The following ZNF629 variants were observed in gnomAD, a reference collection of about 807,000 sequenced individuals.
ZNF629 encodes the protein zinc finger protein 629.
A neutral mutation model predicts 59.7 loss-of-function variants in ZNF629; 9 were observed. The ratio of observed to expected loss-of-function variants is 0.15; its 90% CI spans 0.09 to 0.26. ZNF629 has a LOEUF of 0.26. ZNF629 is among the 10% of genes least tolerant of loss of function. The probability of loss-of-function intolerance (pLI) is 1.00; values close to 1 mark genes in which losing one functional copy is unlikely to be tolerated. For missense variants in ZNF629, 853 were observed against 1,165.4 expected, an observed-to-expected ratio of 0.73 and a Z score of 3.90; for synonymous variants, 509 against 498.9, an observed-to-expected ratio of 1.02 and a Z score of -0.27.
chr16:30,780,966 C>T lies in ZNF629; in HGVS notation c.*752G>A, dbSNP rs1376791314. On this transcript the variant is annotated 3_prime_UTR_variant, in exon 3 of 3. Transcript: ENST00000262525. Reference sequence around the variant, plus strand: ...AAAAAGGCTTGCCAATTTGTTTTTTCTTCCCCATTTTGGGGTTTTGATAAG... The same window carrying T: ...AAAAAGGCTTGCCAATTTGTTTTTTTTTCCCCATTTTGGGGTTTTGATAAG... 6.6e-6 allele frequency: 1 copy of T among 152,046 alleles called. No homozygotes were observed. Among genetic ancestry groups the T allele is most frequent in the African/African-American group, 2.4e-5 (1 of 41,390 alleles). 9.4% of individuals were successfully genotyped at this position (152,046 alleles called of 1,614,324 possible). A position where few individuals can be genotyped will look rare whatever the true frequency, so the allele number is the denominator to read the frequency against.
In ZNF629 at chr16:30,782,335, A is replaced by G; in HGVS notation, c.1993T>C (p.Ser665Pro). ...GLLSSKTYIC[S>P]HCGESFLDRS... is the part of the protein sequence containing the mutation. ...TCCAGGAAGCTCTCTCCGCAGTGGGAGCAGATGTAGGTCTTGGAGGACAGC... is the reference window on the plus strand; with the variant it reads ...TCCAGGAAGCTCTCTCCGCAGTGGGGGCAGATGTAGGTCTTGGAGGACAGC... The change falls in exon 3 of 3, where the codon TCC becomes CCC. Residue 665 changes from serine to proline, a missense_variant. By Grantham distance (74) the Ser-to-Pro change is moderately conservative (BLOSUM62 -1). Transcript: ENST00000262525. 1 of 1,597,608 alleles carries G rather than the reference A, an allele frequency of 6.3e-7. No individual in the cohort carries two copies. Among genetic ancestry groups the G allele is most frequent in the Non-Finnish European group, 8.5e-7 (1 of 1,171,520 alleles).
At position 30,782,855 on chromosome 16, in the gene ZNF629, G is replaced by A. The variant is rs746503892; in HGVS notation, c.1473C>T (p.Cys491=). 7 of 1,614,184 alleles carry A rather than the reference G, an allele frequency of 4.3e-6. No homozygotes were observed. In the South Asian group the frequency reaches 4.4e-5, roughly 10 times the overall value. Residue 491 remains cysteine, a synonymous_variant, in exon 3 of 3, where the codon TGC becomes TGT. Transcript: ENST00000262525. ...TGGAGCTCTGGCTGAAGCTCTTGCC[G>A]CACTCGGGGCACTTGTAGGGCTTCT... The part of the protein sequence containing the change: ...TGEKPYKCPE[C]GKSFSQSSNL...
In ZNF629 at chr16:30,783,170, G is replaced by A. The variant is rs754615738; in HGVS notation, c.1158C>T (p.Ser386=). 5 of 1,613,496 alleles carry A rather than the reference G, an allele frequency of 3.1e-6. No individual in the cohort carries two copies. The highest frequency in any genetic ancestry group is 4.2e-6 in the Non-Finnish European group (5 of 1,179,792). The change falls in exon 3 of 3, where the codon AGC becomes AGT. Residue 386 remains serine (S), a synonymous_variant. Transcript: ENST00000262525. The stretch of plus-strand genomic sequence containing the variant: ...TGCGCTGGTGCCGCAGCAACGTGGC[G>A]CTCAGGGTGAAGGTCTTGCCGCACA... The part of the protein sequence containing the change: ...CPVCGKTFTL[S]ATLLRHQRTH...
rs145304690 is a variant in ZNF629 at position 30,780,319 on chromosome 16, GGGA to G, written c.*1396_*1398del. 1 of 152,628 alleles carries G rather than the reference GGGA, an allele frequency of 6.6e-6. No homozygotes were observed. The highest frequency in any genetic ancestry group is 1.9e-4 in the East Asian group (1 of 5,182). The allele number at this position is 152,628 out of a possible 1,614,324, so 9.5% of individuals were successfully genotyped here. On this transcript the variant is annotated 3_prime_UTR_variant, in exon 3 of 3. Transcript: ENST00000262525. ...CTGTGGGGTGTCTGGATCCCCACCAGGGAGGAGGGCTGCCTTATCCTGCGGGGC... is the reference window on the plus strand; with the variant it reads ...CTGTGGGGTGTCTGGATCCCCACCAGGGAGGGCTGCCTTATCCTGCGGGGC...
rs1379741396 is a variant in ZNF629 at position 30,783,856 on chromosome 16, T to C, written c.472A>G (p.Ser158Gly). The change falls in exon 3 of 3, where the codon AGC (serine) becomes GGC (glycine). Residue 158 changes from serine (S) to glycine (G), a missense_variant. Ser to Gly is a moderately conservative substitution (Grantham distance 56). Around this residue, in one of 3 missense-constraint regions of ZNF629, gnomAD observed 201 missense variants for 536.5 expected, o/e 0.37. Transcript: ENST00000262525. ...KPYICNECGKSFSQWSKLLRH... is the reference protein window; with the variant it reads ...KPYICNECGKGFSQWSKLLRH... ...AGCAGCTTGGACCACTGGCTGAAGC[T>C]CTTGCCGCACTCGTTGCAGATGTAG... The C allele has an allele frequency of 6.2e-7, 1 of 1,610,848 alleles. No individual in the cohort carries two copies. The highest frequency in any genetic ancestry group is 2.2e-5 in the East Asian group (1 of 44,840).
chr16:30,784,227 C>T lies in ZNF629; in HGVS notation c.101G>A (p.Ser34Asn). The T allele has an allele frequency of 6.2e-7, 1 of 1,604,656 alleles. No individual in the cohort carries two copies. Among genetic ancestry groups the T allele is most frequent in the East Asian group, 2.2e-5 (1 of 44,782 alleles). Residue 34 changes from serine to asparagine, a missense_variant, in exon 3 of 3, where the codon AGC becomes AAC. Around this residue, in one of 3 missense-constraint regions of ZNF629, gnomAD observed 232 missense variants for 193.4 expected, o/e 1.20. Transcript: ENST00000262525. ...RGAESENEEESPRQESSGEEI... is the reference protein window; with the variant it reads ...RGAESENEEENPRQESSGEEI... ...CTCCCCAGAACTTTCCTGCCGAGGGCTCTCCTCTTCGTTTTCACTCTCGGC... is the reference window on the plus strand; with the variant it reads ...CTCCCCAGAACTTTCCTGCCGAGGGTTCTCCTCTTCGTTTTCACTCTCGGC...
Position 30,784,439 on chromosome 16 carries a change from G to T in ZNF629, c.44C>A (p.Pro15Gln). The change falls in exon 2 of 3, where the codon CCG becomes CAG. Residue 15 changes from proline to glutamine, a missense_variant. Pro to Gln is a moderately conservative substitution (Grantham distance 76). Transcript: ENST00000262525. ...TALWGPDLQG[P>Q]EQSPNDAHRG... ...GTGAGCATCGTTGGGGCTCTGTTCC[G>T]GACCCTGCAGATCCGGGCCCCACAG... 6.4e-7 allele frequency: 1 copy of T among 1,566,676 alleles called. No individual in the cohort carries two copies.
Position 30,782,978 on chromosome 16 carries a change from G to C in ZNF629, c.1350C>G (p.Arg450=), listed in dbSNP as rs372222911. ...TGTAGGGCTTCTCACCGGTGTGGAT[G>C]CGCTGGTGGCGGATAAGGGTGGAGC... ...IMSSTLIRHQ[R]IHTGEKPYKC... Residue 450 remains arginine, a synonymous_variant, in exon 3 of 3, where the codon CGC becomes CGG. Coordinates refer to ENST00000262525, the MANE Select transcript of ZNF629 (RefSeq NM_001080417.3). 1,360 of 1,613,946 alleles carry C rather than the reference G, an allele frequency of 8.4e-4. 34 individuals carry two copies. In the South Asian group the frequency reaches 0.013, roughly 16 times the overall value.
At chr16:30,785,965 C>T (rs771019455) in intron 1 of ZNF629, among the ~76,000 whole-genome samples, 3 of 151,982 alleles carry the variant, frequency 2.0e-5, no homozygotes, top group Non-Finnish European at 2.9e-5. Flanking sequence ...AGGAACAAAG[C>T]GCTTGAAGGA....
Position 30,784,002 on chromosome 16 carries a change from G to A in ZNF629, c.326C>T (p.Ala109Val), listed in dbSNP as rs1212277052. The change falls in exon 3 of 3, where the codon GCC becomes GTC. Residue 109 changes from alanine to valine, a missense_variant. Ala to Val is a moderately conservative substitution (Grantham distance 64, BLOSUM62 0). This residue lies in a region of ZNF629 where 232 missense variants were observed against 193.4 expected (regional missense o/e 1.20). Transcript: ENST00000262525. Reference protein sequence around the residue: ...VVPTPSDWTKACEASWQWGAL... With the variant: ...VVPTPSDWTKVCEASWQWGAL... ...GCCCCACTGCCAGCTGGCCTCGCAG[G>A]CCTTGGTCCAGTCAGATGGGGTAGG... 8 of 1,574,038 alleles carry A rather than the reference G, an allele frequency of 5.1e-6. No homozygotes were observed. Among genetic ancestry groups the A allele is most frequent in the Non-Finnish European group, 6.9e-6 (8 of 1,160,894 alleles).
At position 30,782,284 on chromosome 16, in the gene ZNF629, G is replaced by A. The variant is rs1356935391; in HGVS notation, c.2044C>T (p.Leu682Phe). The A allele has an allele frequency of 1.9e-6, 3 of 1,612,628 alleles. No individual in the cohort carries two copies. Among genetic ancestry groups the A allele is most frequent in the African/African-American group, 1.3e-5 (1 of 75,040 alleles). Reference sequence around the variant, plus strand: ...AAGGGCTTTTCGTTGCCGTGGGTGAGCTGATGCTGGAGGAGCACAGAGCGA... The same window carrying A: ...AAGGGCTTTTCGTTGCCGTGGGTGAACTGATGCTGGAGGAGCACAGAGCGA... ...LDRSVLLQHQLTHGNEKPFLF... is the reference protein window; with the variant it reads ...LDRSVLLQHQFTHGNEKPFLF... Residue 682 changes from leucine (L) to phenylalanine (F), a missense_variant, in exon 3 of 3, where the codon CTC (leucine) becomes TTC (phenylalanine). By Grantham distance (22) the Leu-to-Phe change is conservative. Around this residue, in one of 3 missense-constraint regions of ZNF629, gnomAD observed 420 missense variants for 435.6 expected, o/e 0.96. Coordinates refer to ENST00000262525, the MANE Select transcript of ZNF629 (RefSeq NM_001080417.3).
chr16:30,784,592 C>T, intron 1 of ZNF629, 77 bp from the exon 2 acceptor site: 1 of 1,118,234 alleles, frequency 8.9e-7, no homozygotes, highest in Non-Finnish European at 1.2e-6. Flanking sequence ...AACCTCACTC[C>T]CACCCTGCCC....
In ZNF629 at chr16:30,781,635, C is replaced by T; in HGVS notation, c.*83G>A. The T allele has an allele frequency of 7.3e-7, 1 of 1,367,660 alleles. No homozygotes were observed. Among genetic ancestry groups the T allele is most frequent in the Non-Finnish European group, 9.7e-7 (1 of 1,032,286 alleles). 84.7% of individuals were successfully genotyped at this position (1,367,660 alleles called of 1,614,324 possible). ...CACTACCATCTGATAGGGTTATCCT[C>T]CCTTCCCCATGTAATTTTTTTGGGG... On this transcript the variant is annotated 3_prime_UTR_variant, in exon 3 of 3. Coordinates refer to ENST00000262525, the MANE Select transcript of ZNF629 (RefSeq NM_001080417.3).
chr16:30,785,253 A>G (rs2054321970), intron 1 of ZNF629, among the ~76,000 whole-genome samples: 1 of 152,224 alleles, frequency 6.6e-6, no homozygotes, highest in Non-Finnish European at 1.5e-5. Flanking sequence ...GTCCTCCCAC[A>G]GCCTGGTGAG....
Position 30,779,807 on chromosome 16 carries a change from G to A in ZNF629, c.*1911C>T, listed in dbSNP as rs1012733187. The A allele has an allele frequency of 6.6e-6, 1 of 152,186 alleles. No homozygotes were observed. The highest frequency in any genetic ancestry group is 2.4e-5 in the African/African-American group (1 of 41,430). 9.4% of individuals were successfully genotyped at this position (152,186 alleles called of 1,614,324 possible). On this transcript the variant is annotated 3_prime_UTR_variant, in exon 3 of 3. Transcript: ENST00000262525. ...CCTCTCTTGAGACGTGACTCCTGAC[G>A]GGCCCCACAGCTGGCATCTCAGTCC...
Position 30,784,423 on chromosome 16 carries a change from G to T in ZNF629, c.60C>A (p.Asn20Lys), listed in dbSNP as rs2054314102. The T allele has an allele frequency of 6.4e-7, 1 of 1,568,152 alleles. No homozygotes were observed. Among genetic ancestry groups the T allele is most frequent in the South Asian group, 1.2e-5 (1 of 85,584 alleles). ...PDLQGPEQSPNDAHRGAESEN... is the reference protein window; with the variant it reads ...PDLQGPEQSPKDAHRGAESEN... Reference sequence around the variant, plus strand: ...TGTGCCCCTCACCTCTGTGAGCATCGTTGGGGCTCTGTTCCGGACCCTGCA... The same window carrying T: ...TGTGCCCCTCACCTCTGTGAGCATCTTTGGGGCTCTGTTCCGGACCCTGCA... Residue 20 changes from asparagine (N) to lysine (K), a missense_variant, in exon 2 of 3, where the codon AAC becomes AAA. Around this residue, in one of 3 missense-constraint regions of ZNF629, gnomAD observed 232 missense variants for 193.4 expected, o/e 1.20. Transcript: ENST00000262525.
chr16:30,782,840 G>A lies in ZNF629; in HGVS notation c.1488C>T (p.Ser496=), dbSNP rs1435959459. 1.2e-6 allele frequency: 2 copies of A among 1,614,198 alleles called. No individual in the cohort carries two copies. Among genetic ancestry groups the A allele is most frequent in the Admixed American group, 3.3e-5 (2 of 60,020 alleles). The part of the protein sequence containing the change: ...YKCPECGKSF[S]QSSNLITHVR... ...CGTGGGTAATAAGGTTGGAGCTCTGGCTGAAGCTCTTGCCGCACTCGGGGC... is the reference window on the plus strand; with the variant it reads ...CGTGGGTAATAAGGTTGGAGCTCTGACTGAAGCTCTTGCCGCACTCGGGGC... Residue 496 remains serine, a synonymous_variant, in exon 3 of 3, where the codon AGC becomes AGT. Transcript: ENST00000262525.
rs1483804877 is a variant in ZNF629, at chr16:30,786,192, C to A, written c.-34+836G>T. Among the ~76,000 whole-genome samples the A allele has an allele frequency of 1.3e-5, 2 of 152,154 alleles. No individual in the cohort carries two copies. On this transcript the variant is annotated intron_variant, in intron 1 of 2. Coordinates refer to ENST00000262525, the MANE Select transcript of ZNF629 (RefSeq NM_001080417.3). This position sits in a 1 kb window ranked among gnomAD's most constrained non-coding sequence, Gnocchi z 4.8. The stretch of plus-strand genomic sequence containing the variant: ...TAGCGTTTAGGAAGTAAATTAATTT[C>A]TTCATCTCTGCAGCTACTTAAGCTC...
Position 30,786,961 on chromosome 16 carries a change from T to G in ZNF629, c.-34+67A>C. On this transcript the variant is annotated intron_variant, in intron 1 of 2. Transcript: ENST00000262525. This position sits in a 1 kb window ranked among gnomAD's most constrained non-coding sequence, Gnocchi z 4.8. The stretch of plus-strand genomic sequence containing the variant: ...CCCGGCCCCCGCCTCCCGGGCCCCA[T>G]TGTTCCCCGGCGGCCGTCCCGGGCA... 1 of 151,364 alleles carries G rather than the reference T, an allele frequency of 6.6e-6. No individual in the cohort carries two copies. The highest frequency in any genetic ancestry group is 2.4e-5 in the African/African-American group (1 of 41,180). 9.4% of individuals were successfully genotyped at this position (151,364 alleles called of 1,614,324 possible).
Sources: allele counts gnomAD v4.1 joint callset (sites outside exome capture counted in the v4.1 genomes callset), GRCh38; gene constraint gnomAD v4.1.1; regional missense constraint gnomAD v4.1.1; non-coding constraint Gnocchi (gnomAD v3.1); transcripts MANE v1.5; gene names NCBI Gene and HGNC (gene_info 2026-07-23, HGNC 2026-07-21).